The following ZNF574 variants were observed in gnomAD, a reference collection of about 807,000 sequenced individuals.
ZNF574 encodes zinc finger protein 574.
ZNF574 carries 25 observed loss-of-function variants against 56.6 expected under a neutral mutation model. That is an observed-to-expected ratio of 0.44 (90% CI 0.32 to 0.62). The LOEUF is 0.62. Ranked by LOEUF, ZNF574 falls within the 20% of genes least tolerant of loss-of-function variation. The pLI is 0.04. For synonymous variants in ZNF574, 543 were observed against 492.1 expected, an observed-to-expected ratio of 1.10 and a Z score of -1.37; for missense variants, 1,065 against 1,218.9, an observed-to-expected ratio of 0.87 and a Z score of 1.88.
Position 42,079,192 on chromosome 19 carries a change from C to T in ZNF574, c.586C>T (p.Pro196Ser). ...AGAGGGTGGGGAAGGGGCGACTGTC[C>T]CATCTGCCGCTGCCACCACCACTGA... is the stretch of plus-strand genomic sequence containing the variant. ...AEEGGEGATV[P>S]SAAATTTEVV... is the part of the protein sequence containing the mutation. The change falls in exon 2 of 2, where the codon CCA becomes TCA. Residue 196 changes from proline (P) to serine (S), a missense_variant. Coordinates refer to ENST00000359044, the MANE Select transcript of ZNF574 (RefSeq NM_022752.6). The surrounding 1 kb of genome is among the most constrained non-coding windows in gnomAD (Gnocchi z 4.3). 6.2e-7 allele frequency: 1 copy of T among 1,613,880 alleles called. No individual in the cohort carries two copies. The highest frequency in any genetic ancestry group is 8.5e-7 in the Non-Finnish European group (1 of 1,180,018).
At position 42,079,628 on chromosome 19, in the gene ZNF574, G is replaced by T; in HGVS notation, c.1022G>T (p.Cys341Phe). Residue 341 changes from cysteine (C) to phenylalanine (F), a missense_variant, in exon 2 of 2, where the codon TGC (cysteine) becomes TTC (phenylalanine). Physicochemically the swap from Cys to Phe is radical, Grantham distance 205. Coordinates refer to ENST00000359044, the MANE Select transcript of ZNF574 (RefSeq NM_022752.6). The surrounding 1 kb of genome is among the most constrained non-coding windows in gnomAD (Gnocchi z 4.3). Reference sequence around the variant, plus strand: ...GAGGGCGTCTTTAAGTGCCCCCTGTGCAGTCGTGTCTTCCCTAGCCCTTCC... The same window carrying T: ...GAGGGCGTCTTTAAGTGCCCCCTGTTCAGTCGTGTCTTCCCTAGCCCTTCC... ...HREGVFKCPL[C>F]SRVFPSPSSL... is the part of the protein sequence containing the mutation. The T allele has an allele frequency of 6.2e-7, 1 of 1,614,174 alleles. No individual in the cohort carries two copies. The highest frequency in any genetic ancestry group is 8.5e-7 in the Non-Finnish European group (1 of 1,180,030).
intron 1 of ZNF574, among the ~76,000 whole-genome samples, chr19:42,077,139 C>A (rs940440161): frequency 6.6e-6 from 1 of 151,812 alleles, no homozygotes; most frequent in Admixed American, 6.6e-5. Context: ...TGAGAGGTTG[C>A]TAAGACGCTG....
chr19:42,079,260 G>A lies in ZNF574; in HGVS notation c.654G>A (p.Glu218=). 6.2e-7 allele frequency: 1 copy of A among 1,614,076 alleles called. No homozygotes were observed. The highest frequency in any genetic ancestry group is 8.5e-7 in the Non-Finnish European group (1 of 1,180,024). ...EVELLLYKCS[E]CSQLFQLPAD... ...AGCTGCTCCTCTACAAGTGCTCTGA[G>A]TGCTCCCAGCTCTTCCAGCTGCCGG... The change falls in exon 2 of 2, where the codon GAG becomes GAA. Residue 218 remains glutamate, a synonymous_variant. Transcript: ENST00000359044. The surrounding 1 kb of genome is among the most constrained non-coding windows in gnomAD (Gnocchi z 4.3).
chr19:42,069,055 A>C (rs2076384998), intron 1 of ZNF574: 1 of 461,574 alleles, frequency 2.2e-6, no homozygotes, highest in South Asian at 4.0e-5. Flanking sequence ...CCAGAAGAAG[A>C]GGTGAGAAGA....
rs770721590 is a variant in ZNF574, at chr19:42,080,434, C to T, written c.1828C>T (p.Arg610Cys). 67 of 1,614,094 alleles carry T rather than the reference C, an allele frequency of 4.2e-5. No individual in the cohort carries two copies. Among genetic ancestry groups the T allele is most frequent in the South Asian group, 9.9e-5 (9 of 91,082 alleles). Residue 610 changes from arginine to cysteine, a missense_variant, in exon 2 of 2, where the codon CGC becomes TGC. Physicochemically the swap from Arg to Cys is radical, Grantham distance 180 (BLOSUM62 -3). Transcript: ENST00000359044. This position sits in a 1 kb window ranked among gnomAD's most constrained non-coding sequence, Gnocchi z 8.5. Reference sequence around the variant, plus strand: ...CACAGGTGAATACCCCTACAAGTGTCGCGAGTGCCCCCGCTCCTTCTTGCT... The same window carrying T: ...CACAGGTGAATACCCCTACAAGTGTTGCGAGTGCCCCCGCTCCTTCTTGCT... ...HHTGEYPYKC[R>C]ECPRSFLLRR...
At position 42,079,485 on chromosome 19, in the gene ZNF574, C is replaced by G. The variant is rs750850044; in HGVS notation, c.879C>G (p.Ala293=). ...AIGRDRRGRR[A]RRNNSGEAGG... ...GGCGGGATCGCCGGGGGCGCAGGGC[C>G]CGGAGGAACAACAGTGGAGAAGCAG... The change falls in exon 2 of 2, where the codon GCC becomes GCG. Residue 293 remains alanine (A), a synonymous_variant. Transcript: ENST00000359044. This position sits in a 1 kb window ranked among gnomAD's most constrained non-coding sequence, Gnocchi z 4.3. The G allele has an allele frequency of 1.2e-6, 2 of 1,613,760 alleles. No homozygotes were observed. The highest frequency in any genetic ancestry group is 2.2e-5 in the South Asian group (2 of 91,086).
In ZNF574 at chr19:42,080,446, C is replaced by G. The variant is rs775594312; in HGVS notation, c.1840C>G (p.Arg614Gly). ...EYPYKCRECP[R>G]SFLLRRLLEV... Reference sequence around the variant, plus strand: ...CCCCTACAAGTGTCGCGAGTGCCCCCGCTCCTTCTTGCTGCGTCGGCTGCT... The same window carrying G: ...CCCCTACAAGTGTCGCGAGTGCCCCGGCTCCTTCTTGCTGCGTCGGCTGCT... Residue 614 changes from arginine to glycine, a missense_variant, in exon 2 of 2, where the codon CGC becomes GGC. Physicochemically the swap from Arg to Gly is moderately radical, Grantham distance 125. Coordinates refer to ENST00000359044, the MANE Select transcript of ZNF574 (RefSeq NM_022752.6). This position sits in a 1 kb window ranked among gnomAD's most constrained non-coding sequence, Gnocchi z 8.5. 6.2e-7 allele frequency: 1 copy of G among 1,614,190 alleles called. No homozygotes were observed. The highest frequency in any genetic ancestry group is 1.1e-5 in the South Asian group (1 of 91,088).
In ZNF574 at chr19:42,081,279, G is replaced by C. The variant is rs930072041; in HGVS notation, c.2673G>C (p.Gly891=). 1 of 1,613,952 alleles carries C rather than the reference G, an allele frequency of 6.2e-7. No homozygotes were observed. The highest frequency in any genetic ancestry group is 1.7e-5 in the Admixed American group (1 of 60,004). ...IEIYPLAEAE[G]VQISG ...TCTACCCTCTGGCCGAGGCTGAGGG[G>C]GTCCAGATCAGTGGCTGACTCTGCC... Residue 891 remains glycine, a synonymous_variant, in exon 2 of 2, where the codon GGG becomes GGC. Coordinates refer to ENST00000359044, the MANE Select transcript of ZNF574 (RefSeq NM_022752.6).
intron 1 of ZNF574, chr19:42,069,607 T>C (rs1223143493): frequency 8.2e-6 from 1 of 122,056 alleles, no homozygotes; most frequent in African/African-American, 3.2e-5. Context: ...AGGGGGAAGC[T>C]GGCCCAGGAA....
chr19:42,069,796 A>G (rs2076398753), intron 1 of ZNF574, among the ~76,000 whole-genome samples: 1 of 151,742 alleles, frequency 6.6e-6, no homozygotes, highest in African/African-American at 2.4e-5. Flanking sequence ...TGGTTGAGGC[A>G]AGGGCCCGGA....
rs1160991981 is a variant in ZNF574, at chr19:42,080,359, G to C, written c.1753G>C (p.Gly585Arg). The C allele has an allele frequency of 6.2e-7, 1 of 1,614,218 alleles. No individual in the cohort carries two copies. The highest frequency in any genetic ancestry group is 8.5e-7 in the Non-Finnish European group (1 of 1,180,032). ...CTTCCCCTACCGCTGCCAGGAATGTGGGGTGCGTTTTCACCGTCCTTACCG... is the reference window on the plus strand; with the variant it reads ...CTTCCCCTACCGCTGCCAGGAATGTCGGGTGCGTTTTCACCGTCCTTACCG... ...QHFPYRCQECGVRFHRPYRLL... is the reference protein window; with the variant it reads ...QHFPYRCQECRVRFHRPYRLL... Residue 585 changes from glycine (G) to arginine (R), a missense_variant, in exon 2 of 2, where the codon GGG (glycine) becomes CGG (arginine). Transcript: ENST00000359044. This position sits in a 1 kb window ranked among gnomAD's most constrained non-coding sequence, Gnocchi z 8.5.
At chr19:42,072,095 A>G (rs2146206578), upstream of ZNF574, among the ~76,000 whole-genome samples, 1 of 152,210 alleles carries the variant, frequency 6.6e-6, no homozygotes, top group South Asian at 2.1e-4. Flanking sequence ...TACCACCTCC[A>G]GAAAGACCTC....
At position 42,078,803 on chromosome 19, in the gene ZNF574, T is replaced by C; in HGVS notation, c.197T>C (p.Leu66Pro). ...ACAGACACAGCTTCAGGCACGGGCC[T>C]CTATCAGACCCTTGTGCAGGAGAGC... ...VATDTASGTG[L>P]YQTLVQESQY... is the part of the protein sequence containing the mutation. Residue 66 changes from leucine to proline, a missense_variant, in exon 2 of 2, where the codon CTC becomes CCC. Leu to Pro is a moderately conservative substitution (Grantham distance 98). Transcript: ENST00000359044. 1 of 1,614,006 alleles carries C rather than the reference T, an allele frequency of 6.2e-7. No individual in the cohort carries two copies. The highest frequency in any genetic ancestry group is 8.5e-7 in the Non-Finnish European group (1 of 1,179,942).
intron 1 of ZNF574, among the ~76,000 whole-genome samples, chr19:42,069,654 G>C (rs1196369049): frequency 6.6e-6 from 1 of 151,298 alleles, no homozygotes; most frequent in African/African-American, 2.4e-5. Context: ...GGCCGGCCTG[G>C]GGGGGCCACA....
Position 42,078,947 on chromosome 19 carries a change from C to A in ZNF574, c.341C>A (p.Pro114His). 2.5e-6 allele frequency: 4 copies of A among 1,614,062 alleles called. No homozygotes were observed. Among genetic ancestry groups the A allele is most frequent in the Non-Finnish European group, 3.4e-6 (4 of 1,179,978 alleles). Residue 114 changes from proline (P) to histidine (H), a missense_variant, in exon 2 of 2, where the codon CCT (proline) becomes CAT (histidine). Pro to His is a moderately conservative substitution (Grantham distance 77). Transcript: ENST00000359044. ...GAGGCAGTGCCAGCTGAGCCATCAC[C>A]TAAGGCACCACCCCTGAGCTCCAGC... The part of the protein sequence containing the change: ...PQEAVPAEPS[P>H]KAPPLSSSTI...
upstream of ZNF574, among the ~76,000 whole-genome samples, chr19:42,072,300 T>C (rs1278460395): frequency 2.7e-5 from 4 of 149,950 alleles, no homozygotes; most frequent in Non-Finnish European, 5.9e-5. Flanking sequence ...AGTGGCATGA[T>C]CTCGGCTCAC....
upstream of ZNF574, among the ~76,000 whole-genome samples, chr19:42,073,489 C>T (rs1223309409): frequency 6.6e-6 from 1 of 150,480 alleles, no homozygotes; most frequent in Non-Finnish European, 1.5e-5. Context: ...AGTTCTGAGA[C>T]CAGCCTGGGC....
At chr19:42,075,266 G>C (rs974475980), upstream of ZNF574, 1 of 152,402 alleles carries the variant, frequency 6.6e-6, no homozygotes, top group Non-Finnish European at 1.5e-5. Flanking sequence ...AATGGCCAGA[G>C]CCCCTTGGAC....
At chr19:42,071,849 C>A (rs1042869141), upstream of ZNF574, among the ~76,000 whole-genome samples, 1 of 151,986 alleles carries the variant, frequency 6.6e-6, no homozygotes, top group African/African-American at 2.4e-5. Context: ...ACTAAAAATA[C>A]AAAAATTAGC....
Sources: allele counts gnomAD v4.1 joint callset (sites outside exome capture counted in the v4.1 genomes callset), GRCh38; gene constraint gnomAD v4.1.1; non-coding constraint Gnocchi (gnomAD v3.1); transcripts MANE v1.5; gene names NCBI Gene and HGNC (gene_info 2026-07-23, HGNC 2026-07-21).